The following TPM3 variants were observed in gnomAD, a reference collection of about 807,000 sequenced individuals.
TPM3 encodes the protein tropomyosin 3.
A neutral mutation model predicts 43.1 loss-of-function variants in TPM3; 16 were observed. The observed-to-expected ratio is 0.37, with a 90% CI of 0.25 to 0.56. The LOEUF is 0.56. Among genes scored for constraint, TPM3 ranks in the 20% least tolerant of loss-of-function variants. The pLI, the probability that TPM3 is intolerant of heterozygous loss-of-function variation, is 0.77. For missense variants in TPM3, 176 were observed against 337.2 expected, an observed-to-expected ratio of 0.52 and a Z score of 3.74; for synonymous variants, 101 against 116.9, an observed-to-expected ratio of 0.86 and a Z score of 0.88.
At position 154,171,491 on chromosome 1, in the gene TPM3, G is replaced by A. The variant is rs1661570761; in HGVS notation, c.567-3C>T. ...CCTCCTCCAGCTCAGAACACTTACTGTGAATATTTTAAATACCACAGGAGA... is the reference window on the plus strand; with the variant it reads ...CCTCCTCCAGCTCAGAACACTTACTATGAATATTTTAAATACCACAGGAGA... On this transcript the variant is annotated splice_polypyrimidine_tract_variant and splice_region_variant and intron_variant, in intron 5 of 9. Transcript: ENST00000651641. 1 of 1,614,036 alleles carries A rather than the reference G, an allele frequency of 6.2e-7. No homozygotes were observed. Among genetic ancestry groups the A allele is most frequent in the Non-Finnish European group, 8.5e-7 (1 of 1,179,954 alleles).
intron 2 of TPM3, among the ~76,000 whole-genome samples, chr1:154,180,923 T>TA (rs1351615918): frequency 8.1e-4 from 114 of 141,578 alleles, no homozygotes; most frequent in Admixed American, 1.2e-3. Flanking sequence ...AGTCTCCATC[T>TA]AAAAAAAAAA....
intron 5 of TPM3, 157 bp from the exon 6 acceptor site, chr1:154,171,645 A>T: frequency 1.2e-6 from 1 of 806,446 alleles, no homozygotes. Flanking sequence ...GCAAGCATCA[A>T]CCCTCCTCCC....
At position 154,163,105 on chromosome 1, in the gene TPM3, G is replaced by C. The variant is rs921033120; in HGVS notation, c.*4832C>G. Among the ~76,000 whole-genome samples, 10 of 152,096 alleles carry C rather than the reference G, an allele frequency of 6.6e-5. No homozygotes were observed. The highest frequency in any genetic ancestry group is 2.4e-4 in the African/African-American group (10 of 41,418). ...ATTACAGGCATGAGCCACCATGCCC[G>C]GTCTACTTCCTTCCTTTCTAAGAAG... is the stretch of plus-strand genomic sequence containing the variant. On this transcript the variant is annotated 3_prime_UTR_variant, in exon 10 of 10. Coordinates refer to ENST00000651641, the MANE Select transcript of TPM3 (RefSeq NM_152263.4).
intron 3 of TPM3, 144 bp from the exon 4 acceptor site, chr1:154,173,345 A>G (rs1451877994): frequency 5.5e-6 from 4 of 728,396 alleles, no homozygotes; most frequent in African/African-American, 1.8e-5. Flanking sequence ...CTACTCCCAC[A>G]CCTTAGTTTA....
intron 2 of TPM3, among the ~76,000 whole-genome samples, chr1:154,176,904 G>A (rs967864234): frequency 9.3e-5 from 14 of 151,282 alleles, no homozygotes; most frequent in South Asian, 2.1e-4. Context: ...CCTTGAACCC[G>A]GGAGGCAGAG....
chr1:154,187,447 C>A, intron 2 of TPM3: 2 of 984,658 alleles, frequency 2.0e-6, no homozygotes, highest in African/African-American at 1.8e-5. Context: ...GGAAAGCTAA[C>A]AAAGGGGAGA....
intron 2 of TPM3, among the ~76,000 whole-genome samples, chr1:154,188,967 C>T (rs948468429): frequency 6.6e-6 from 1 of 150,778 alleles, no homozygotes; most frequent in African/African-American, 2.4e-5. Context: ...ACTGTCTCTA[C>T]TAAAAATATA....
chr1:154,182,351 G>A (rs1438195579), intron 2 of TPM3, among the ~76,000 whole-genome samples: 2 of 152,184 alleles, frequency 1.3e-5, no homozygotes, highest in Non-Finnish European at 2.9e-5. Flanking sequence ...CCCGTAAGAG[G>A]AAAGGGCCCC....
intron 2 of TPM3, among the ~76,000 whole-genome samples, chr1:154,185,872 T>C (rs1465592799): frequency 6.6e-6 from 1 of 151,524 alleles, no homozygotes; most frequent in African/African-American, 2.5e-5. Context: ...GATAAATTTT[T>C]CTTCTGGGAC....
chr1:154,183,365 C>G, intron 2 of TPM3: 2 of 1,355,382 alleles, frequency 1.5e-6, no homozygotes, highest in Non-Finnish European at 1.9e-6. Context: ...CCCGGCCTTA[C>G]CTTGGGCCAG....
Position 154,166,387 on chromosome 1 carries a change from T to C in TPM3, c.*1550A>G. ...GTTCACCCCTTCTTAGGCAACCTTG[T>C]TGTTCTCCACTCCCAGGAGGTCACC... On this transcript the variant is annotated 3_prime_UTR_variant, in exon 10 of 10. Coordinates refer to ENST00000651641, the MANE Select transcript of TPM3 (RefSeq NM_152263.4). 1 of 341,202 alleles carries C rather than the reference T, an allele frequency of 2.9e-6. No homozygotes were observed. Among genetic ancestry groups the C allele is most frequent in the Non-Finnish European group, 4.6e-6 (1 of 219,556 alleles). The allele number at this position is 341,202 out of a possible 1,614,324, so 21.1% of individuals were successfully genotyped here. A position where few individuals can be genotyped will look rare whatever the true frequency, so the allele number is the denominator to read the frequency against.
chr1:154,169,184 A>T, intron 9 of TPM3, 121 bp downstream of exon 9: 1 of 1,072,952 alleles, frequency 9.3e-7, no homozygotes, highest in Non-Finnish European at 1.4e-6. Flanking sequence ...AATGTTTCAA[A>T]GATAAGGGTG....
At chr1:154,184,332 G>A (rs1663293665) in intron 2 of TPM3, among the ~76,000 whole-genome samples, 1 of 152,080 alleles carries the variant, frequency 6.6e-6, no homozygotes, top group South Asian at 2.1e-4. Context: ...TTACTTTTGA[G>A]AGTCATCATG....
chr1:154,169,892 C>T, intron 8 of TPM3: 1 of 241,544 alleles, frequency 4.1e-6, no homozygotes, highest in Non-Finnish European at 8.2e-6. Context: ...GTTCCCTTGT[C>T]AGGGTGGATG....
intron 3 of TPM3, among the ~76,000 whole-genome samples, chr1:154,174,407 T>TATATATAAAC (rs1261318136): frequency 2.8e-5 from 2 of 72,694 alleles, no homozygotes; most frequent in African/African-American, 1.0e-4. Flanking sequence ...TATATATATA[T>TATATATAAAC]ACACACAAAA....
chr1:154,181,525 G>T (rs764895447), intron 2 of TPM3, among the ~76,000 whole-genome samples: 17 of 152,176 alleles, frequency 1.1e-4, no homozygotes, highest in Non-Finnish European at 2.1e-4. Context: ...GCCTCAACTC[G>T]TATCAGCTCC....
rs775915668 is a variant in TPM3 at position 154,170,366 on chromosome 1, TTC to T, written c.775+32_775+33del. The T allele has an allele frequency of 3.5e-5, 57 of 1,607,946 alleles. 1 individual carries two copies. Among genetic ancestry groups the T allele is most frequent in the Non-Finnish European group, 4.4e-5 (52 of 1,174,552 alleles). ...GTTAATGGGCAGTCTTCCTCTATAT[TTC>T]TCTATTTCAATCCCTACTCCAGGTT... On this transcript the variant is annotated intron_variant, in intron 8 of 9. Coordinates refer to ENST00000651641, the MANE Select transcript of TPM3 (RefSeq NM_152263.4).
intron 3 of TPM3, among the ~76,000 whole-genome samples, chr1:154,175,899 C>T (rs1268821585): frequency 6.6e-6 from 1 of 152,172 alleles, no homozygotes; most frequent in Non-Finnish European, 1.5e-5. Flanking sequence ...TTCTCTGTCA[C>T]CCAGGAGTGC....
At chr1:154,173,263 C>T in intron 3 of TPM3, 62 bp from the exon 4 acceptor site, 2 of 1,383,290 alleles carry the variant, frequency 1.4e-6, no homozygotes, top group South Asian at 2.3e-5. Flanking sequence ...AGCTCCACTC[C>T]AAGGGTCTCA....
Sources: allele counts gnomAD v4.1 joint callset (sites outside exome capture counted in the v4.1 genomes callset), GRCh38; gene constraint gnomAD v4.1.1; transcripts MANE v1.5; gene names NCBI Gene and HGNC (gene_info 2026-07-23, HGNC 2026-07-21).